The following DYM variants were observed in gnomAD, a reference collection of about 807,000 sequenced individuals.
DYM encodes the protein dymeclin, also known as dyggve-Melchior-Clausen syndrome protein.
In DYM, 78 loss-of-function variants were observed where a neutral mutation model predicts 93.1. That is an observed-to-expected ratio of 0.84 (90% CI 0.70 to 1.01). The LOEUF (loss-of-function observed/expected upper bound fraction) is 1.01, where lower values mean the gene tolerates loss of function less well. DYM is among the 50% of genes least tolerant of loss of function. DYM has a pLI of 0.00. For synonymous variants in DYM, 321 were observed against 319.7 expected (o/e 1.00, Z -0.04); for missense variants, 789 against 845.0 (o/e 0.93, Z 0.82).
In DYM at chr18:49,038,215, T is replaced by C. The variant is rs1354473698; in HGVS notation, c.*5840A>G. On this transcript the variant is annotated 3_prime_UTR_variant, in exon 18 of 18. Transcript: ENST00000675505. ...GAGTTTGGTGTCCTACATACATCCGTTTGGTTTGCTCATTTCATTGCTTAA... is the reference window on the plus strand; with the variant it reads ...GAGTTTGGTGTCCTACATACATCCGCTTGGTTTGCTCATTTCATTGCTTAA... Among the ~76,000 whole-genome samples, 1 of 152,202 alleles carries C rather than the reference T, an allele frequency of 6.6e-6. No homozygotes were observed. Among genetic ancestry groups the C allele is most frequent in the African/African-American group, 2.4e-5 (1 of 41,446 alleles).
chr18:49,246,153 T>C (rs1386936397), intron 13 of DYM, among the ~76,000 whole-genome samples: 1 of 152,226 alleles, frequency 6.6e-6, no homozygotes, highest in African/African-American at 2.4e-5. Flanking sequence ...TAGGGAGTTA[T>C]CTACCTACCT....
chr18:49,403,305 C>T (rs1270548840), intron 2 of DYM, among the ~76,000 whole-genome samples: 12 of 152,146 alleles, frequency 7.9e-5, no homozygotes, highest in African/African-American at 2.4e-4. Context: ...ATTTTATTTA[C>T]ATTAATGTTT....
At chr18:49,171,261 T>C (rs1449459081) in intron 14 of DYM, among the ~76,000 whole-genome samples, 1 of 152,108 alleles carries the variant, frequency 6.6e-6, no homozygotes, top group African/African-American at 2.4e-5. Flanking sequence ...AAAGGTCACT[T>C]ACTGGGAGGG....
chr18:49,262,422 G>T lies in DYM; in HGVS notation c.1252-3929C>A, dbSNP rs574738135. On this transcript the variant is annotated intron_variant, in intron 11 of 17. Transcript: ENST00000675505. ...CTGTGGTACTCAGACAACTCTAGAA[G>T]ACACTAAGTATCTTTCATTTATATC... Among the ~76,000 whole-genome samples, 13 of 152,158 alleles carry T rather than the reference G, an allele frequency of 8.5e-5. No homozygotes were observed. In the South Asian group the frequency reaches 2.7e-3, roughly 32 times the overall value.
intron 13 of DYM, among the ~76,000 whole-genome samples, chr18:49,217,423 G>T (rs1053785340): frequency 6.6e-6 from 1 of 151,942 alleles, no homozygotes; most frequent in African/African-American, 2.4e-5. Context: ...GATACTCCTC[G>T]AGAAGAGCAA....
intron 8 of DYM, among the ~76,000 whole-genome samples, chr18:49,296,898 T>TTA (rs1371430908): frequency 6.6e-6 from 1 of 152,202 alleles, no homozygotes; most frequent in Non-Finnish European, 1.5e-5. Context: ...CTTATGTGTA[T>TTA]TATATATACA....
intron 15 of DYM, among the ~76,000 whole-genome samples, chr18:49,134,861 AC>A (rs1481108649): frequency 1.3e-5 from 2 of 152,344 alleles, no homozygotes; most frequent in East Asian, 3.9e-4. Flanking sequence ...TAATTCCAGG[AC>A]TTTGGGAGGC....
chr18:49,418,381 T>C (rs1294570412), intron 2 of DYM, among the ~76,000 whole-genome samples: 2 of 152,230 alleles, frequency 1.3e-5, no homozygotes, highest in Admixed American at 6.5e-5. Context: ...TGTATATTAT[T>C]AACCTTTAGT....
intron 8 of DYM, among the ~76,000 whole-genome samples, chr18:49,319,790 C>A (rs1000673482): frequency 6.6e-6 from 1 of 152,178 alleles, no homozygotes; most frequent in Non-Finnish European, 1.5e-5. Flanking sequence ...AATCCACCAC[C>A]CTGCTAGTGA....
At chr18:49,215,031 C>G (rs1330436340) in intron 13 of DYM, among the ~76,000 whole-genome samples, 2 of 152,222 alleles carry the variant, frequency 1.3e-5, no homozygotes, top group Non-Finnish European at 2.9e-5. Flanking sequence ...AAAAAGAACT[C>G]TCTAGTTTGA....
intron 8 of DYM, among the ~76,000 whole-genome samples, chr18:49,331,544 G>T (rs1877753036): frequency 6.6e-6 from 1 of 152,140 alleles, no homozygotes; most frequent in Admixed American, 6.5e-5. Context: ...TATAATACAA[G>T]TAGTGTTATA....
At chr18:49,148,855 G>A (rs550123604) in intron 15 of DYM, among the ~76,000 whole-genome samples, 18 of 152,304 alleles carry the variant, frequency 1.2e-4, no homozygotes, top group Admixed American at 2.6e-4. Context: ...ACCAGGGACC[G>A]TTTCATGGAA....
intron 6 of DYM, among the ~76,000 whole-genome samples, chr18:49,335,072 A>T (rs1480283575): frequency 6.6e-6 from 1 of 152,296 alleles, no homozygotes; most frequent in East Asian, 1.9e-4. Context: ...GTGCCATTGC[A>T]CTCCAGCCTT....
In DYM at chr18:49,334,877, G is replaced by A. The variant is rs954880986; in HGVS notation, c.495-1024C>T. Among the ~76,000 whole-genome samples, 22 of 152,214 alleles carry A rather than the reference G, an allele frequency of 1.4e-4. No individual in the cohort carries two copies. In the East Asian group the frequency reaches 2.9e-3, roughly 20 times the overall value. On this transcript the variant is annotated intron_variant, in intron 6 of 17. Coordinates refer to ENST00000675505, the MANE Select transcript of DYM (RefSeq NM_001353214.3). ...TCCCAGCACTTTGGGAGGCCAAAGC[G>A]GGTGGATCACCTGAGGTCAGGAGTT...
At chr18:49,244,810 T>A (rs938868736) in intron 13 of DYM, among the ~76,000 whole-genome samples, 2 of 152,170 alleles carry the variant, frequency 1.3e-5, no homozygotes, top group Non-Finnish European at 2.9e-5. Flanking sequence ...TCAATTCAAG[T>A]ATCAGAATTT....
chr18:49,404,437 G>C lies in DYM; in HGVS notation c.141-12792C>G, dbSNP rs527397184. Among the ~76,000 whole-genome samples the C allele has an allele frequency of 2.0e-5, 3 of 152,320 alleles. No homozygotes were observed. In the East Asian group the frequency reaches 5.8e-4, roughly 29 times the overall value. On this transcript the variant is annotated intron_variant, in intron 2 of 17. Coordinates refer to ENST00000675505, the MANE Select transcript of DYM (RefSeq NM_001353214.3). Reference sequence around the variant, plus strand: ...TTATTTTCTTTTGAATATATACCCAGTAATAGGATTGCTGGGTGAAATGGT... The same window carrying C: ...TTATTTTCTTTTGAATATATACCCACTAATAGGATTGCTGGGTGAAATGGT...
At position 49,097,433 on chromosome 18, in the gene DYM, C is replaced by T. The variant is rs773080872; in HGVS notation, c.1994G>A (p.Gly665Asp). 2.5e-6 allele frequency: 4 copies of T among 1,614,022 alleles called. No homozygotes were observed. In the South Asian group the frequency reaches 4.4e-5, roughly 18 times the overall value. ...TCTGTCTTTGGGCAGCGCAACGACG[C>T]CTTGCTTAATGATTTCCAGGACCCG... ...VERVLEIIKQ[G>D]VVALPKDRLK... Residue 665 changes from glycine (G) to aspartate (D), a missense_variant, in exon 17 of 18, where the codon GGC (glycine) becomes GAC (aspartate). By Grantham distance (94) the Gly-to-Asp change is moderately conservative. Transcript: ENST00000675505.
intron 6 of DYM, among the ~76,000 whole-genome samples, chr18:49,341,670 A>G (rs1477329471): frequency 6.6e-6 from 1 of 152,110 alleles, no homozygotes; most frequent in African/African-American, 2.4e-5. Flanking sequence ...TTCTCTCTAT[A>G]TTTATATGCT....
At chr18:49,086,491 G>C (rs1296129652) in intron 17 of DYM, among the ~76,000 whole-genome samples, 1 of 152,142 alleles carries the variant, frequency 6.6e-6, no homozygotes, top group Non-Finnish European at 1.5e-5. Context: ...GCTGCACTGG[G>C]GAATTAAGTC....
Sources: allele counts gnomAD v4.1 joint callset (sites outside exome capture counted in the v4.1 genomes callset), GRCh38; gene constraint gnomAD v4.1.1; transcripts MANE v1.5; gene names NCBI Gene and HGNC (gene_info 2026-07-23, HGNC 2026-07-21).